Variants in ADGRV1 observed in about 807,000 individuals in gnomAD.
The protein encoded by ADGRV1 is adhesion G protein-coupled receptor V1.
In ADGRV1, 359 loss-of-function variants were observed where a neutral mutation model predicts 596.2. The observed-to-expected ratio is 0.60, with a 90% CI of 0.55 to 0.66. ADGRV1 has a LOEUF of 0.66. Ranked by LOEUF, ADGRV1 falls within the 30% of genes least tolerant of loss-of-function variation. ADGRV1 has a pLI of 0.00. For synonymous variants in ADGRV1, 2,681 were observed against 2,679.2 expected, an observed-to-expected ratio of 1.00 and a Z score of -0.02; for missense variants, 7,274 against 7,575.6, an observed-to-expected ratio of 0.96 and a Z score of 1.48.
chr5:90,575,597 A>G (rs1207028470), intron 1 of ADGRV1, among the ~76,000 whole-genome samples: 1 of 152,178 alleles, frequency 6.6e-6, no homozygotes, highest in Non-Finnish European at 1.5e-5. Context: ...TTCTCCTCCC[A>G]TGAATGGACA....
At chr5:91,079,307 G>A (rs926940843) in intron 86 of ADGRV1, among the ~76,000 whole-genome samples, 1 of 152,296 alleles carries the variant, frequency 6.6e-6, no homozygotes, top group South Asian at 2.1e-4. Flanking sequence ...GTGAAGCACA[G>A]TTCACTCTTC....
At chr5:91,116,679 A>G (rs529853532) in intron 87 of ADGRV1, among the ~76,000 whole-genome samples, 3 of 152,322 alleles carry the variant, frequency 2.0e-5, no homozygotes, top group Admixed American at 1.3e-4. Flanking sequence ...TATGGGTGCT[A>G]TATAAATGTG....
At position 90,886,145 on chromosome 5, in the gene ADGRV1, A is replaced by G. The variant is rs568315088; in HGVS notation, c.17856+22288A>G. Among the ~76,000 whole-genome samples, 12 of 152,266 alleles carry G rather than the reference A, an allele frequency of 7.9e-5. No individual in the cohort carries two copies. In the South Asian group the frequency reaches 1.9e-3, roughly 24 times the overall value. ...CAACCTATCGTTCTGGAGGCTGGCT[A>G]TTGGCACTATTTTATAGGAAATTGC... is the stretch of plus-strand genomic sequence containing the variant. On this transcript the variant is annotated intron_variant, in intron 83 of 89. Transcript: ENST00000405460.
intron 83 of ADGRV1, among the ~76,000 whole-genome samples, chr5:90,881,170 A>T (rs1022900167): frequency 2.6e-5 from 4 of 152,214 alleles, no homozygotes; most frequent in East Asian, 1.9e-4. Context: ...TTTGTATTTC[A>T]TGGATCCTAC....
intron 25 of ADGRV1, 35 bp downstream of exon 25, chr5:90,676,244 C>T (rs753393887): frequency 1.3e-6 from 2 of 1,584,560 alleles, no homozygotes; most frequent in Non-Finnish European, 8.6e-7. Context: ...TAAATATTTG[C>T]TTGTCTACCC....
chr5:90,635,204 A>G lies in ADGRV1; in HGVS notation c.1930A>G (p.Thr644Ala), dbSNP rs878972812. ...GEICNISLLV[T>A]PAIANGEIGF... ...AATCTGCAATATTTCTTTACTGGTT[A>G]CTCCAGCCATTGCAAATGGAGAAAT... Residue 644 changes from threonine to alanine, a missense_variant, in exon 10 of 90, where the codon ACT becomes GCT. Physicochemically the swap from Thr to Ala is moderately conservative, Grantham distance 58. Around this residue, in one of 5 missense-constraint regions of ADGRV1, gnomAD observed 1,715 missense variants for 1,708.8 expected, o/e 1.00. Transcript: ENST00000405460. 6.2e-6 allele frequency: 10 copies of G among 1,613,076 alleles called. No individual in the cohort carries two copies. Among genetic ancestry groups the G allele is most frequent in the African/African-American group, 1.3e-5 (1 of 75,008 alleles).
At chr5:91,027,711 G>A (rs1336139807) in intron 85 of ADGRV1, among the ~76,000 whole-genome samples, 3 of 152,272 alleles carry the variant, frequency 2.0e-5, no homozygotes, top group South Asian at 2.1e-4. Flanking sequence ...CTCATTAAGG[G>A]AAAGCTTAGC....
rs1436748671 is a variant in ADGRV1 at position 90,821,122 on chromosome 5, T to C, written c.16197-2303T>C. ...TGGAGGCTTTGCTCATTTCTTTCTA[T>C]TCTTTTTTCTCTAAACTTCCCTTCT... On this transcript the variant is annotated intron_variant, in intron 75 of 89. Coordinates refer to ENST00000405460, the MANE Select transcript of ADGRV1 (RefSeq NM_032119.4). Among the ~76,000 whole-genome samples the C allele has an allele frequency of 1.1e-4, 16 of 152,168 alleles. 1 individual carries two copies. Among genetic ancestry groups the C allele is most frequent in the Admixed American group, 1.0e-3 (16 of 15,282 alleles).
chr5:90,875,780 A>C (rs898607685), intron 83 of ADGRV1, among the ~76,000 whole-genome samples: 2 of 152,230 alleles, frequency 1.3e-5, no homozygotes, highest in African/African-American at 4.8e-5. Context: ...CAATTATTGG[A>C]GTACAGAAAA....
chr5:90,747,826 A>G (rs1754796679), intron 52 of ADGRV1, among the ~76,000 whole-genome samples: 1 of 152,172 alleles, frequency 6.6e-6, no homozygotes, highest in African/African-American at 2.4e-5. Flanking sequence ...CGGATAGCCG[A>G]CCTGTGAACA....
At chr5:90,753,235 T>G (rs755980576) in intron 53 of ADGRV1, among the ~76,000 whole-genome samples, 1 of 152,154 alleles carries the variant, frequency 6.6e-6, no homozygotes, top group Non-Finnish European at 1.5e-5. Flanking sequence ...GCCACCTTAT[T>G]TTACTTTTAT....
chr5:90,865,321 T>G (rs1359251220), intron 83 of ADGRV1, among the ~76,000 whole-genome samples: 1 of 152,176 alleles, frequency 6.6e-6, no homozygotes, highest in Non-Finnish European at 1.5e-5. Context: ...TTTACTTGGC[T>G]TTATTCACCA....
intron 25 of ADGRV1, among the ~76,000 whole-genome samples, chr5:90,678,296 C>CT: frequency 6.6e-6 from 1 of 152,062 alleles, no homozygotes; most frequent in African/African-American, 2.4e-5. Context: ...TTTTACTCTC[C>CT]TTTTTTTCTA....
intron 21 of ADGRV1, among the ~76,000 whole-genome samples, chr5:90,662,779 A>C (rs1770585412): frequency 2.0e-5 from 3 of 151,770 alleles, no homozygotes; most frequent in Non-Finnish European, 4.4e-5. Flanking sequence ...ACCACACAAC[A>C]GTCCCCAGAG....
intron 89 of ADGRV1, among the ~76,000 whole-genome samples, chr5:91,158,045 G>A (rs747893744): frequency 1.3e-5 from 2 of 152,158 alleles, no homozygotes; most frequent in African/African-American, 4.8e-5. Context: ...TAATAACTGG[G>A]CTAGCACACT....
chr5:90,568,371 C>T (rs768841883), intron 1 of ADGRV1, among the ~76,000 whole-genome samples: 92 of 151,662 alleles, frequency 6.1e-4, no homozygotes, highest in Non-Finnish European at 1.1e-3. Flanking sequence ...CTTTTTTGAT[C>T]CTTTGGTCAT....
At chr5:90,959,939 A>T (rs901439638) in intron 83 of ADGRV1, among the ~76,000 whole-genome samples, 1 of 152,098 alleles carries the variant, frequency 6.6e-6, no homozygotes, top group Non-Finnish European at 1.5e-5. Context: ...GGAGATCAAG[A>T]CCATCCTGGC....
At chr5:90,903,196 T>C (rs1772009649) in intron 83 of ADGRV1, among the ~76,000 whole-genome samples, 1 of 152,116 alleles carries the variant, frequency 6.6e-6, no homozygotes, top group African/African-American at 2.4e-5. Context: ...TTCCCTTCCC[T>C]ACTGCAGGAT....
At chr5:90,799,087 C>A (rs1327218674) in intron 70 of ADGRV1, among the ~76,000 whole-genome samples, 1 of 152,050 alleles carries the variant, frequency 6.6e-6, no homozygotes, top group Non-Finnish European at 1.5e-5. Context: ...GGCAATCAGA[C>A]AAAAGAAAGG....
Sources: allele counts gnomAD v4.1 joint callset (sites outside exome capture counted in the v4.1 genomes callset), GRCh38; gene constraint gnomAD v4.1.1; regional missense constraint gnomAD v4.1.1; transcripts MANE v1.5; gene names NCBI Gene and HGNC (gene_info 2026-07-23, HGNC 2026-07-21).